Variants in TENM2 observed in about 807,000 individuals in gnomAD.
The protein encoded by TENM2 is teneurin transmembrane protein 2.
In TENM2, 52 loss-of-function variants were observed where a neutral mutation model predicts 245.2. The observed-to-expected ratio is 0.21, with a 90% CI of 0.17 to 0.27. The LOEUF (loss-of-function observed/expected upper bound fraction) is 0.27. Among genes scored for constraint, TENM2 ranks in the 10% least tolerant of loss-of-function variants. TENM2 has a pLI of 1.00. For synonymous variants in TENM2, 1,363 were observed against 1,438.9 expected (o/e 0.95, Z 1.19); for missense variants, 3,046 against 3,666.8 (o/e 0.83, Z 4.37).
At chr5:167,234,310 T>C in the TENM2 span, among the ~76,000 whole-genome samples, 12 of 152,220 alleles carry the variant, frequency 7.9e-5, no homozygotes, top group Non-Finnish European at 1.6e-4. Flanking sequence ...CTTCATGTTT[T>C]ACTCTTCTTC....
At chr5:168,261,700 A>C (rs970769659) in intron 28 of TENM2, among the ~76,000 whole-genome samples, 3 of 152,228 alleles carry the variant, frequency 2.0e-5, no homozygotes, top group African/African-American at 7.2e-5. Context: ...ATCAGAGTAC[A>C]GAACAGGGCA....
At chr5:167,860,851 C>G (rs1449980267) in intron 2 of TENM2, among the ~76,000 whole-genome samples, 1 of 102,998 alleles carries the variant, frequency 9.7e-6, no homozygotes, top group Non-Finnish European at 1.9e-5. Context: ...GCAGCATGCT[C>G]GTTAAGAGTC....
chr5:168,154,163 A>AAAAAAAAAAAAAAAAAAC (rs1756931041), intron 12 of TENM2, among the ~76,000 whole-genome samples: 1 of 151,126 alleles, frequency 6.6e-6, no homozygotes, highest in Non-Finnish European at 1.5e-5. Flanking sequence ...AAAAAAAAAA[A>AAAAAAAAAAAAAAAAAAC]AAACAGTAAG....
At chr5:167,962,902 C>A (rs1050570834) in intron 4 of TENM2, among the ~76,000 whole-genome samples, 51 of 152,162 alleles carry the variant, frequency 3.4e-4, no homozygotes, top group African/African-American at 1.2e-3. Flanking sequence ...ACAACCAAAC[C>A]GCATTGTTAT....
chr5:167,596,360 C>T (rs1000081806), intron 2 of TENM2, among the ~76,000 whole-genome samples: 1 of 152,186 alleles, frequency 6.6e-6, no homozygotes, highest in Non-Finnish European at 1.5e-5. Context: ...TTCTCTCCAT[C>T]CTACTGGACT....
chr5:167,672,124 G>A (rs1282546255), intron 2 of TENM2, among the ~76,000 whole-genome samples: 2 of 151,974 alleles, frequency 1.3e-5, no homozygotes, highest in Non-Finnish European at 2.9e-5. Context: ...CTGTGTTAGA[G>A]CAGACCATTC....
intron 2 of TENM2, among the ~76,000 whole-genome samples, chr5:167,593,155 A>C (rs1327722712): frequency 6.6e-6 from 1 of 152,208 alleles, no homozygotes; most frequent in African/African-American, 2.4e-5. Flanking sequence ...AGTAACAGAT[A>C]AAGATAGATA....
intron 2 of TENM2, among the ~76,000 whole-genome samples, chr5:167,397,534 C>G (rs1351239454): frequency 6.6e-6 from 1 of 152,016 alleles, no homozygotes; most frequent in Non-Finnish European, 1.5e-5. Flanking sequence ...ATAAAACTGA[C>G]CCTTCTCATT....
At chr5:168,077,778 T>C (rs1441990341) in intron 7 of TENM2, among the ~76,000 whole-genome samples, 2 of 152,206 alleles carry the variant, frequency 1.3e-5, no homozygotes, top group Non-Finnish European at 2.9e-5. Flanking sequence ...TATGGCTGCA[T>C]AGTATTCCAT....
the TENM2 span, among the ~76,000 whole-genome samples, chr5:167,052,702 T>C: frequency 3.3e-5 from 5 of 152,214 alleles, no homozygotes. Context: ...TACAGTGATG[T>C]TGATGTTAAT....
intron 5 of TENM2, among the ~76,000 whole-genome samples, chr5:168,004,842 GT>G (rs1325971996): frequency 6.6e-6 from 1 of 151,132 alleles, no homozygotes; most frequent in East Asian, 2.0e-4. Flanking sequence ...TTTTTTTTAA[GT>G]CATATACATA....
At chr5:167,596,005 G>A (rs926214044) in intron 2 of TENM2, among the ~76,000 whole-genome samples, 7 of 152,130 alleles carry the variant, frequency 4.6e-5, no homozygotes, top group African/African-American at 1.7e-4. Flanking sequence ...ATTGTTAATG[G>A]AAGCAAAACC....
At chr5:167,412,723 A>C (rs920425631) in intron 2 of TENM2, among the ~76,000 whole-genome samples, 2 of 152,150 alleles carry the variant, frequency 1.3e-5, no homozygotes. Context: ...TTTCTGCTAA[A>C]GGCTGCTAAA....
At position 167,421,757 on chromosome 5, in the gene TENM2, A is replaced by G. The variant is rs115589636; in HGVS notation, c.502+46284A>G. 5.2e-3 allele frequency among the ~76,000 whole-genome samples: 791 copies of G among 152,226 alleles called. 3 individuals are homozygous for G. The highest frequency in any genetic ancestry group is 0.018 in the African/African-American group (755 of 41,558). On this transcript the variant is annotated intron_variant, in intron 2 of 28. Coordinates refer to ENST00000518659, the Ensembl canonical transcript of TENM2. ...TATAACATGAGCTAGTATATACAAA[A>G]TTCCTTATCACACTATTTTGTTGGT...
intron 3 of TENM2, among the ~76,000 whole-genome samples, chr5:167,929,073 G>GAAAGAAAGAAAGA (rs1778034046): frequency 2.7e-5 from 1 of 36,990 alleles, no homozygotes; most frequent in Non-Finnish European, 4.9e-5. Flanking sequence ...AAGAAAGAAA[G>GAAAGAAAGAAAGA]AAAGAAAGAA....
intron 12 of TENM2, among the ~76,000 whole-genome samples, chr5:168,146,934 C>G (rs941225125): frequency 2.6e-5 from 4 of 152,220 alleles, no homozygotes; most frequent in East Asian, 1.9e-4. Flanking sequence ...GGGGACCCCC[C>G]CTTCACCTGT....
At chr5:167,356,731 C>G (rs898386562) in intron 1 of TENM2, among the ~76,000 whole-genome samples, 3 of 152,156 alleles carry the variant, frequency 2.0e-5, no homozygotes, top group African/African-American at 7.2e-5. Context: ...TGTTTTGATT[C>G]AGAGTGATTT....
intron 1 of TENM2, among the ~76,000 whole-genome samples, chr5:167,374,878 A>G (rs13157095): frequency 2.6e-5 from 4 of 152,172 alleles, no homozygotes; most frequent in African/African-American, 7.2e-5. Flanking sequence ...CACTTGGTGT[A>G]TATTAGCTAT....
At chr5:168,239,936 A>G (rs555442051) in intron 25 of TENM2, among the ~76,000 whole-genome samples, 1 of 152,132 alleles carries the variant, frequency 6.6e-6, no homozygotes, top group African/African-American at 2.4e-5. Context: ...AAAAATCCAC[A>G]GCTGGGCACG....
Sources: gnomAD v4.1 joint callset for allele counts (sites outside exome capture counted in the v4.1 genomes callset) on GRCh38, gnomAD v4.1.1 for gene constraint, MANE v1.5 for transcripts, NCBI Gene and HGNC (gene_info 2026-07-23, HGNC 2026-07-21) for gene names.